MS4A4A: variants seen among roughly 807,000 people sequenced by gnomAD.
MS4A4A encodes the protein membrane spanning 4-domains A4A, also known as membrane-spanning 4-domains subfamily A member 4A.
Under a neutral mutation model 28.0 loss-of-function variants are expected in MS4A4A, and 26 were observed. The ratio of observed to expected loss-of-function variants is 0.93; its 90% CI spans 0.68 to 1.29. The LOEUF (loss-of-function observed/expected upper bound fraction) is 1.29. MS4A4A is among the 50% of genes most tolerant of loss of function. The pLI, the probability that MS4A4A is intolerant of heterozygous loss-of-function variation, is 0.00. For synonymous variants in MS4A4A, 86 were observed against 100.8 expected, an observed-to-expected ratio of 0.85 and a Z score of 0.88; for missense variants, 290 against 293.1, an observed-to-expected ratio of 0.99 and a Z score of 0.08.
intron 5 of MS4A4A, among the ~76,000 whole-genome samples, chr11:60,304,131 C>T (rs2135032896): frequency 6.6e-6 from 1 of 152,322 alleles, no homozygotes; most frequent in African/African-American, 2.4e-5. Context: ...TTAGATTCTA[C>T]AATTTCTTGT....
intron 5 of MS4A4A, among the ~76,000 whole-genome samples, chr11:60,303,729 G>C (rs1229786871): frequency 6.6e-6 from 1 of 151,850 alleles, no homozygotes; most frequent in Non-Finnish European, 1.5e-5. Flanking sequence ...AAAGCCTATT[G>C]GTCATTTTGA....
At chr11:60,306,902 T>C (rs1213016543) in intron 6 of MS4A4A, among the ~76,000 whole-genome samples, 1 of 152,238 alleles carries the variant, frequency 6.6e-6, no homozygotes, top group African/African-American at 2.4e-5. Flanking sequence ...TCTCTATCAG[T>C]CTGTGCCCAC....
At chr11:60,290,036 G>A (rs952841539) in intron 1 of MS4A4A, 2 of 427,782 alleles carry the variant, frequency 4.7e-6, no homozygotes, top group African/African-American at 2.0e-5. Context: ...CTAATCTGTG[G>A]GACTTCTTGC....
At chr11:60,286,567 G>A (rs1248680253) in intron 1 of MS4A4A, among the ~76,000 whole-genome samples, 1 of 152,154 alleles carries the variant, frequency 6.6e-6, no homozygotes. Context: ...CTGACTTCCC[G>A]CAACAGTAGT....
At chr11:60,290,068 A>G (rs2135015935) in intron 1 of MS4A4A, 1 of 443,998 alleles carries the variant, frequency 2.3e-6, no homozygotes, top group Non-Finnish European at 4.6e-6. Flanking sequence ...AAGGATATCT[A>G]CTTCCTTCTT....
In MS4A4A at chr11:60,302,629, T is replaced by G. The variant is rs888089759; in HGVS notation, c.458T>G (p.Phe153Cys). The G allele has an allele frequency of 6.2e-7, 1 of 1,614,092 alleles. No homozygotes were observed. ...LAASGILINT[F>C]SLAFYSFHHP... The stretch of plus-strand genomic sequence containing the variant: ...GCATCAGGGATCTTAATCAACACAT[T>G]TAGCTTGGCGTTTTATTCATTCCAT... The change falls in exon 5 of 7, where the codon TTT (phenylalanine) becomes TGT (cysteine). Residue 153 changes from phenylalanine (F) to cysteine (C), a missense_variant. By Grantham distance (205) the Phe-to-Cys change is radical. Coordinates refer to ENST00000337908, the MANE Select transcript of MS4A4A (RefSeq NM_148975.3).
chr11:60,296,750 T>C (rs2084908770), intron 2 of MS4A4A: 2 of 214,546 alleles, frequency 9.3e-6, no homozygotes, highest in Admixed American at 1.1e-4. Context: ...CATACTTGTG[T>C]CCTCATACCC....
chr11:60,285,477 C>A (rs1447515817), intron 1 of MS4A4A, among the ~76,000 whole-genome samples: 2 of 152,084 alleles, frequency 1.3e-5, no homozygotes, highest in Non-Finnish European at 2.9e-5. Context: ...GACCCTGTCT[C>A]AAAAAAGTCT....
At chr11:60,286,354 C>T (rs963882141) in intron 1 of MS4A4A, among the ~76,000 whole-genome samples, 5 of 152,126 alleles carry the variant, frequency 3.3e-5, no homozygotes, top group African/African-American at 4.8e-5. Flanking sequence ...AAAGTAAAGA[C>T]AGGCATAGGA....
rs746506551 is a variant in MS4A4A, at chr11:60,292,297, C to T, written c.114C>T (p.Pro38=). The T allele has an allele frequency of 5.0e-6, 8 of 1,608,058 alleles. No individual in the cohort carries two copies. Among genetic ancestry groups the T allele is most frequent in the East Asian group, 2.3e-5 (1 of 44,016 alleles). ...QAMPGAGPGV[P]QLGNMAVIHS... is the part of the protein sequence containing the mutation. ...TGCCAGGGGCTGGCCCTGGTGTGCC[C>T]CAGCTGGGAAACATGGCTGTCATAC... Residue 38 remains proline (P), a synonymous_variant, in exon 2 of 7, where the codon CCC becomes CCT. Coordinates refer to ENST00000337908, the MANE Select transcript of MS4A4A (RefSeq NM_148975.3).
rs141915851 is a variant in MS4A4A, at chr11:60,308,043, G to T, written c.649-64G>T. 3.8e-3 allele frequency: 5,265 copies of T among 1,374,048 alleles called. 153 individuals are homozygous for T. The African/African-American group carries it at 0.062, about 16-fold the overall frequency. The allele number at this position is 1,374,048 out of a possible 1,614,324, so 85.1% of individuals were successfully genotyped here. ...CTCTGATAATGATGACTTTATGTGG[G>T]CAGGAAAGGGGCACTCTGAGGTGAT... is the stretch of plus-strand genomic sequence containing the variant. On this transcript the variant is annotated intron_variant, in intron 6 of 6. Transcript: ENST00000337908.
Position 60,282,655 on chromosome 11 carries a change from A to G in MS4A4A, c.41+1939A>G, listed in dbSNP as rs186335721. On this transcript the variant is annotated intron_variant, in intron 1 of 6. Coordinates refer to ENST00000337908, the MANE Select transcript of MS4A4A (RefSeq NM_148975.3). ...TTTCAATATATGCAGATGTCTCAATATAGGAATGAAATTACGTCTTTGGAA... is the reference window on the plus strand; with the variant it reads ...TTTCAATATATGCAGATGTCTCAATGTAGGAATGAAATTACGTCTTTGGAA... 1.5e-4 allele frequency: 189 copies of G among 1,285,070 alleles called. 1 individual carries two copies. Among genetic ancestry groups the G allele is most frequent in the Non-Finnish European group, 2.3e-5 (23 of 987,746 alleles). 79.6% of individuals were successfully genotyped at this position (1,285,070 alleles called of 1,614,324 possible).
chr11:60,306,413 C>A (rs117710221), intron 6 of MS4A4A, among the ~76,000 whole-genome samples: 2,177 of 152,274 alleles, frequency 0.014, 38 homozygotes, highest in Non-Finnish European at 0.02. Context: ...TTGCTTGGAG[C>A]TTCTGATTCT....
In MS4A4A at chr11:60,291,528, G is replaced by A. The variant is rs573941327; in HGVS notation, c.42-697G>A. Among the ~76,000 whole-genome samples, 4 of 152,138 alleles carry A rather than the reference G, an allele frequency of 2.6e-5. No individual in the cohort carries two copies. The South Asian group carries it at 6.2e-4, about 24-fold the overall frequency. On this transcript the variant is annotated intron_variant, in intron 1 of 6. Transcript: ENST00000337908. Reference sequence around the variant, plus strand: ...TAAAAGTAATCCTTCAGCTGGGTGCGGTGGCTCACACCTGTAATTCCAGCA... The same window carrying A: ...TAAAAGTAATCCTTCAGCTGGGTGCAGTGGCTCACACCTGTAATTCCAGCA...
Position 60,308,119 on chromosome 11 carries a change from C to T in MS4A4A, c.661C>T (p.Leu221=), listed in dbSNP as rs1245454451. Residue 221 remains leucine, a synonymous_variant, in exon 7 of 7, where the codon CTG becomes TTG. Coordinates refer to ENST00000337908, the MANE Select transcript of MS4A4A (RefSeq NM_148975.3). The part of the protein sequence containing the change: ...CCTPGGVVLI[L]PSHSHMAETA... ...GATTGTTTCACAGGTTGTGTTAATT[C>T]TGCCATCACATTCTCACATGGCAGA... 1.2e-6 allele frequency: 2 copies of T among 1,613,968 alleles called. No individual in the cohort carries two copies. The highest frequency in any genetic ancestry group is 1.7e-6 in the Non-Finnish European group (2 of 1,179,896).
intron 1 of MS4A4A, among the ~76,000 whole-genome samples, chr11:60,284,726 G>A (rs1385749927): frequency 6.6e-6 from 1 of 152,190 alleles, no homozygotes; most frequent in Admixed American, 6.5e-5. Flanking sequence ...ATGCTATGGA[G>A]TAGGTACATT....
intron 1 of MS4A4A, among the ~76,000 whole-genome samples, chr11:60,290,510 G>T (rs1231587998): frequency 5.9e-5 from 9 of 151,954 alleles, no homozygotes; most frequent in Non-Finnish European, 1.0e-4. Flanking sequence ...TAAGAACATT[G>T]ATTTTTTGGT....
At chr11:60,280,759 C>T in intron 1 of MS4A4A, 43 bp downstream of exon 1, 1 of 1,606,498 alleles carries the variant, frequency 6.2e-7, no homozygotes, top group Non-Finnish European at 8.5e-7. Context: ...GGGCTGATGG[C>T]TTGTTTCACT....
chr11:60,298,510 TCAAA>T (rs942128042), intron 3 of MS4A4A, among the ~76,000 whole-genome samples: 1 of 152,240 alleles, frequency 6.6e-6, no homozygotes, highest in African/African-American at 2.4e-5. Flanking sequence ...CAATTTCATT[TCAAA>T]CAATCACCAC....
Sources: gnomAD v4.1 joint callset for allele counts (sites outside exome capture counted in the v4.1 genomes callset) on GRCh38, gnomAD v4.1.1 for gene constraint, MANE v1.5 for transcripts, NCBI Gene and HGNC (gene_info 2026-07-23, HGNC 2026-07-21) for gene names.